Variants in CACNA2D3 observed in about 807,000 individuals in gnomAD.
The protein encoded by CACNA2D3 is calcium voltage-gated channel auxiliary subunit alpha2delta 3, also known as voltage-dependent calcium channel subunit alpha-2/delta-3.
In CACNA2D3, 60 loss-of-function variants were observed where a neutral mutation model predicts 160.6. That is an observed-to-expected ratio of 0.37 (90% CI 0.30 to 0.46). The LOEUF (loss-of-function observed/expected upper bound fraction) is 0.46, where lower values mean the gene tolerates loss of function less well. Among genes scored for constraint, CACNA2D3 ranks in the 20% least tolerant of loss-of-function variants. The pLI is 1.00. For synonymous variants in CACNA2D3, 558 were observed against 492.9 expected (o/e 1.13, Z -1.75); for missense variants, 1,205 against 1,365.0 (o/e 0.88, Z 1.85).
At chr3:54,386,320 A>T (rs1699185276) in intron 3 of CACNA2D3, among the ~76,000 whole-genome samples, 2 of 152,240 alleles carry the variant, frequency 1.3e-5, no homozygotes, top group South Asian at 4.1e-4. Flanking sequence ...GAAGAAAGCT[A>T]GCCCACTTAA....
intron 29 of CACNA2D3, among the ~76,000 whole-genome samples, chr3:54,973,061 GTCAGCGAAGGCTTC>G (rs1417908429): frequency 1.3e-5 from 2 of 152,252 alleles, no homozygotes; most frequent in South Asian, 2.1e-4. Flanking sequence ...ACATGCGGTA[GTCAGCGAAGGCTTC>G]TCTGAGGGGG....
intron 8 of CACNA2D3, among the ~76,000 whole-genome samples, chr3:54,581,179 A>G (rs1702670457): frequency 6.6e-6 from 1 of 152,164 alleles, no homozygotes; most frequent in Non-Finnish European, 1.5e-5. Flanking sequence ...GAATACTCAC[A>G]TTTTTGCTAC....
intron 13 of CACNA2D3, among the ~76,000 whole-genome samples, chr3:54,780,232 A>T (rs1702506304): frequency 6.6e-6 from 1 of 152,230 alleles, no homozygotes; most frequent in African/African-American, 2.4e-5. Flanking sequence ...TAGCTGAATG[A>T]TCAAGTTTAG....
At chr3:54,657,094 C>T in intron 11 of CACNA2D3, among the ~76,000 whole-genome samples, 1 of 147,800 alleles carries the variant, frequency 6.8e-6, no homozygotes, top group African/African-American at 2.5e-5. Context: ...TGGGGGGTCA[C>T]AGGGTACTCA....
intron 25 of CACNA2D3, among the ~76,000 whole-genome samples, chr3:54,892,464 G>A (rs543717349): frequency 1.3e-5 from 2 of 152,276 alleles, no homozygotes; most frequent in East Asian, 3.9e-4. Flanking sequence ...ACCAAGTCTG[G>A]TAAATGACAG....
At chr3:54,251,808 C>A (rs893233926) in intron 2 of CACNA2D3, among the ~76,000 whole-genome samples, 2 of 152,230 alleles carry the variant, frequency 1.3e-5, no homozygotes, top group Admixed American at 1.3e-4. Flanking sequence ...GACCTGGTTC[C>A]CAGAGGCTAG....
At chr3:54,699,215 C>G (rs550090181) in intron 11 of CACNA2D3, among the ~76,000 whole-genome samples, 1 of 152,246 alleles carries the variant, frequency 6.6e-6, no homozygotes, top group South Asian at 2.1e-4. Flanking sequence ...GCCAGCCTCT[C>G]TCTGATAGGA....
intron 2 of CACNA2D3, among the ~76,000 whole-genome samples, chr3:54,318,971 C>T (rs1168642924): frequency 6.6e-6 from 1 of 152,142 alleles, no homozygotes; most frequent in Non-Finnish European, 1.5e-5. Context: ...CCTCCAGCCT[C>T]ACCTCTAGGC....
intron 16 of CACNA2D3, among the ~76,000 whole-genome samples, chr3:54,843,693 C>T (rs1698870647): frequency 6.6e-6 from 1 of 152,204 alleles, no homozygotes; most frequent in Non-Finnish European, 1.5e-5. Flanking sequence ...TGGGGTCAAT[C>T]TCTGAGGCAG....
At chr3:54,503,468 A>T (rs761364195) in intron 4 of CACNA2D3, 24 bp from the exon 5 acceptor site, 2 of 1,612,038 alleles carry the variant, frequency 1.2e-6, no homozygotes, top group Admixed American at 1.7e-5. Flanking sequence ...GCCACATGTA[A>T]TGTTTTTTGA....
intron 2 of CACNA2D3, among the ~76,000 whole-genome samples, chr3:54,178,179 A>G (rs189155600): frequency 1.3e-5 from 2 of 152,182 alleles, no homozygotes; most frequent in African/African-American, 4.8e-5. Flanking sequence ...CAGTTTGGTC[A>G]TGAACCCTCA....
chr3:54,459,965 G>C (rs1426345429), intron 4 of CACNA2D3, among the ~76,000 whole-genome samples: 1 of 152,118 alleles, frequency 6.6e-6, no homozygotes, highest in African/African-American at 2.4e-5. Flanking sequence ...GTGTAAGGAA[G>C]GGATCCAGTT....
intron 25 of CACNA2D3, among the ~76,000 whole-genome samples, chr3:54,896,212 G>A (rs926055868): frequency 6.6e-5 from 10 of 152,188 alleles, no homozygotes; most frequent in Non-Finnish European, 1.2e-4. Context: ...GGGGGCATGA[G>A]CAGGCCTGTT....
intron 13 of CACNA2D3, among the ~76,000 whole-genome samples, chr3:54,767,737 G>A (rs1252261519): frequency 6.6e-6 from 1 of 152,234 alleles, no homozygotes; most frequent in African/African-American, 2.4e-5. Flanking sequence ...CAGAAACTAA[G>A]GAAGTGCTCA....
chr3:54,550,640 A>G (rs1284318958), intron 5 of CACNA2D3, among the ~76,000 whole-genome samples: 2 of 152,206 alleles, frequency 1.3e-5, no homozygotes, highest in Non-Finnish European at 2.9e-5. Context: ...ATCTATGACA[A>G]GACAGCTTTT....
intron 8 of CACNA2D3, among the ~76,000 whole-genome samples, chr3:54,580,606 A>G (rs79761430): frequency 0.018 from 2,698 of 152,286 alleles, 38 homozygotes; most frequent in Middle Eastern, 0.048. Flanking sequence ...GCTGTCATCA[A>G]TCAAATGGTC....
At chr3:54,831,671 C>T (rs1201997172) in intron 14 of CACNA2D3, among the ~76,000 whole-genome samples, 1 of 152,188 alleles carries the variant, frequency 6.6e-6, no homozygotes, top group African/African-American at 2.4e-5. Flanking sequence ...GAAAGATATG[C>T]AACCATCCAT....
chr3:54,494,586 G>T (rs1418950069), intron 4 of CACNA2D3, among the ~76,000 whole-genome samples: 1 of 152,178 alleles, frequency 6.6e-6, no homozygotes, highest in Non-Finnish European at 1.5e-5. Context: ...TGGAGTGAAG[G>T]CTTGAGTTTG....
intron 2 of CACNA2D3, among the ~76,000 whole-genome samples, chr3:54,242,440 C>G (rs1192646582): frequency 6.6e-6 from 1 of 151,824 alleles, no homozygotes; most frequent in Non-Finnish European, 1.5e-5. Flanking sequence ...GAGACTCAGT[C>G]TCAAATAAAA....
Sources: allele counts gnomAD v4.1 joint callset (sites outside exome capture counted in the v4.1 genomes callset), GRCh38; gene constraint gnomAD v4.1.1; transcripts MANE v1.5; gene names NCBI Gene and HGNC (gene_info 2026-07-23, HGNC 2026-07-21).